TBC1D32: variants seen among roughly 807,000 people sequenced by gnomAD.
The protein encoded by TBC1D32 is protein broad-minded.
Under a neutral mutation model 170.3 loss-of-function variants are expected in TBC1D32, and 151 were observed. That is an observed-to-expected ratio of 0.89 (90% CI 0.78 to 1.01). The LOEUF is 1.01. TBC1D32 is among the 50% of genes least tolerant of loss of function. The pLI is 0.00. For synonymous variants in TBC1D32, 498 were observed against 488.0 expected, an observed-to-expected ratio of 1.02 and a Z score of -0.27; for missense variants, 1,464 against 1,457.1, an observed-to-expected ratio of 1.00 and a Z score of -0.08.
intron 22 of TBC1D32, among the ~76,000 whole-genome samples, chr6:121,191,661 C>A (rs1245040377): frequency 2.6e-5 from 4 of 152,052 alleles, no homozygotes; most frequent in Admixed American, 1.3e-4. Flanking sequence ...CTTTTGTAAA[C>A]ACACAGAGTA....
intron 11 of TBC1D32, 99 bp downstream of exon 11, chr6:121,294,471 A>G (rs1259915298): frequency 2.5e-6 from 2 of 797,144 alleles, no homozygotes; most frequent in Non-Finnish European, 4.0e-6. Flanking sequence ...CTAATTTACC[A>G]TACTAACAAT....
At position 121,320,470 on chromosome 6, in the gene TBC1D32, C is replaced by T. The variant is rs79178444; in HGVS notation, c.317+1163G>A. Among the ~76,000 whole-genome samples, 13 of 152,184 alleles carry T rather than the reference C, an allele frequency of 8.5e-5. No individual in the cohort carries two copies. In the East Asian group the frequency reaches 2.5e-3, roughly 29 times the overall value. ...CCATGAAAATACTTTCATTAACCGTCTAATAAAGTATTTTAGTATTCCTTC... is the reference window on the plus strand; with the variant it reads ...CCATGAAAATACTTTCATTAACCGTTTAATAAAGTATTTTAGTATTCCTTC... On this transcript the variant is annotated intron_variant, in intron 2 of 31. Transcript: ENST00000398212.
intron 24 of TBC1D32, among the ~76,000 whole-genome samples, chr6:121,134,101 A>T (rs751430922): frequency 6.6e-6 from 1 of 152,122 alleles, no homozygotes; most frequent in African/African-American, 2.4e-5. Context: ...TCCACATTAC[A>T]TATTGCCAAG....
At chr6:121,215,613 CA>C (rs1793718343) in intron 21 of TBC1D32, among the ~76,000 whole-genome samples, 1 of 151,322 alleles carries the variant, frequency 6.6e-6, no homozygotes, top group East Asian at 1.9e-4. Context: ...ATGCATCTGA[CA>C]AGTATCTAAT....
At chr6:121,275,194 TTGTAA>T (rs1452043493) in intron 15 of TBC1D32, among the ~76,000 whole-genome samples, 1 of 152,224 alleles carries the variant, frequency 6.6e-6, no homozygotes, top group African/African-American at 2.4e-5. Flanking sequence ...AGATAAATTG[TTGTAA>T]TGTAAGTCAA....
At position 121,130,867 on chromosome 6, in the gene TBC1D32, C is replaced by T. The variant is rs547165553; in HGVS notation, c.2899+760G>A. On this transcript the variant is annotated intron_variant, in intron 25 of 31. Transcript: ENST00000398212. ...TTTATAAATATCTGGGGGGATAAAACATAGTTTAACTGCTCACTTTATACT... is the reference window on the plus strand; with the variant it reads ...TTTATAAATATCTGGGGGGATAAAATATAGTTTAACTGCTCACTTTATACT... Among the ~76,000 whole-genome samples the T allele has an allele frequency of 2.0e-5, 3 of 152,078 alleles. No individual in the cohort carries two copies. The South Asian group carries it at 6.2e-4, about 32-fold the overall frequency.
intron 30 of TBC1D32, among the ~76,000 whole-genome samples, chr6:121,102,498 C>G (rs1403076621): frequency 6.6e-6 from 1 of 152,110 alleles, no homozygotes; most frequent in Non-Finnish European, 1.5e-5. Context: ...AAACAATTCC[C>G]TATTTAATAA....
chr6:121,267,581 C>A (rs577177082), intron 15 of TBC1D32, among the ~76,000 whole-genome samples: 1 of 152,310 alleles, frequency 6.6e-6, no homozygotes, highest in South Asian at 2.1e-4. Context: ...GGGCATCTGC[C>A]ATTGCTGAGG....
intron 22 of TBC1D32, among the ~76,000 whole-genome samples, chr6:121,191,296 T>C (rs939391221): frequency 2.0e-5 from 3 of 152,214 alleles, no homozygotes; most frequent in East Asian, 1.9e-4. Flanking sequence ...CACACAAAAG[T>C]AGCAGAAATG....
At chr6:121,259,556 A>G (rs976554574) in intron 15 of TBC1D32, among the ~76,000 whole-genome samples, 10 of 152,176 alleles carry the variant, frequency 6.6e-5, no homozygotes, top group African/African-American at 2.2e-4. Flanking sequence ...CATAAATACT[A>G]AAATTCAAAG....
chr6:121,081,411 C>T (rs1456749870), intron 31 of TBC1D32, among the ~76,000 whole-genome samples: 4 of 152,056 alleles, frequency 2.6e-5, no homozygotes, highest in Admixed American at 6.5e-5. Context: ...TAAGAACACC[C>T]GTTTAACAGT....
At chr6:121,281,364 A>G (rs1268384403) in intron 14 of TBC1D32, among the ~76,000 whole-genome samples, 180 bp downstream of exon 14, 1 of 151,674 alleles carries the variant, frequency 6.6e-6, no homozygotes, top group African/African-American at 2.4e-5. Context: ...TATCATAATA[A>G]ATCAATCAAC....
chr6:121,084,347 G>A (rs1775965750), intron 31 of TBC1D32, among the ~76,000 whole-genome samples: 1 of 152,114 alleles, frequency 6.6e-6, no homozygotes, highest in African/African-American at 2.4e-5. Flanking sequence ...TCTTTGCCCA[G>A]TGTGTGGCAT....
At chr6:121,221,579 A>T (rs1293573035) in intron 21 of TBC1D32, among the ~76,000 whole-genome samples, 1 of 152,232 alleles carries the variant, frequency 6.6e-6, no homozygotes, top group African/African-American at 2.4e-5. Context: ...TATCAACATT[A>T]ACAGGAGTTT....
At chr6:121,100,491 T>C (rs1777902277) in intron 30 of TBC1D32, among the ~76,000 whole-genome samples, 1 of 151,918 alleles carries the variant, frequency 6.6e-6, no homozygotes, top group Non-Finnish European at 1.5e-5. Context: ...TTAGCTCTTC[T>C]TGTTGAATTG....
intron 10 of TBC1D32, 115 bp from the exon 11 acceptor site, chr6:121,294,775 T>G: frequency 1.2e-6 from 1 of 816,450 alleles, no homozygotes; most frequent in South Asian, 1.4e-5. Context: ...GAAAAATATT[T>G]AGTACAGTAC....
At chr6:121,082,598 C>T (rs1429247734) in intron 31 of TBC1D32, among the ~76,000 whole-genome samples, 1 of 151,832 alleles carries the variant, frequency 6.6e-6, no homozygotes, top group Admixed American at 6.6e-5. Context: ...TCATTAAATA[C>T]GAATTATAAT....
At chr6:121,235,650 G>A (rs1355296185) in intron 20 of TBC1D32, among the ~76,000 whole-genome samples, 2 of 152,176 alleles carry the variant, frequency 1.3e-5, no homozygotes, top group African/African-American at 4.8e-5. Flanking sequence ...GGTGATCAGG[G>A]CGGAGAACTT....
chr6:121,266,186 A>G (rs1800451604), intron 15 of TBC1D32, among the ~76,000 whole-genome samples: 1 of 152,292 alleles, frequency 6.6e-6, no homozygotes, highest in Admixed American at 6.5e-5. Context: ...GACAACATAT[A>G]ATACCCAGAA....
Sources: gnomAD v4.1 joint callset for allele counts (sites outside exome capture counted in the v4.1 genomes callset) on GRCh38, gnomAD v4.1.1 for gene constraint, MANE v1.5 for transcripts, NCBI Gene and HGNC (gene_info 2026-07-23, HGNC 2026-07-21) for gene names.